The following PARD3 variants were observed in gnomAD, a reference collection of about 807,000 sequenced individuals.
PARD3 encodes the protein partitioning defective 3 homolog.
PARD3 carries 75 observed loss-of-function variants against 155.4 expected under a neutral mutation model. The ratio of observed to expected loss-of-function variants is 0.48; its 90% CI spans 0.40 to 0.58. PARD3 has a LOEUF of 0.58. Ranked by LOEUF, PARD3 falls within the 20% of genes least tolerant of loss-of-function variation. The probability of loss-of-function intolerance (pLI) is 0.00; values close to 1 mark genes in which losing one functional copy is unlikely to be tolerated. For missense variants in PARD3, 1,642 were observed against 1,721.7 expected (o/e 0.95, Z 0.82); for synonymous variants, 576 against 610.5 (o/e 0.94, Z 0.83).
At chr10:34,128,758 T>C (rs1947428867) in intron 23 of PARD3, among the ~76,000 whole-genome samples, 1 of 152,206 alleles carries the variant, frequency 6.6e-6, no homozygotes, top group African/African-American at 2.4e-5. Context: ...TTGCTTTATG[T>C]AGAGTAATAT....
rs116555445 is a variant in PARD3, at chr10:34,612,551, C to A, written c.222+83767G>T. On this transcript the variant is annotated intron_variant, in intron 2 of 24. Transcript: ENST00000374788. Reference sequence around the variant, plus strand: ...CACAATGTCTGGTGCTCTACATGCACAGTCCTAGCTCAGCTCCTTAGGAAT... The same window carrying A: ...CACAATGTCTGGTGCTCTACATGCAAAGTCCTAGCTCAGCTCCTTAGGAAT... Among the ~76,000 whole-genome samples the A allele has an allele frequency of 3.2e-3, 492 of 152,312 alleles. 3 individuals are homozygous for A. The highest frequency in any genetic ancestry group is 0.01 in the African/African-American group (424 of 41,584).
chr10:34,245,240 C>G (rs886130050), intron 22 of PARD3, among the ~76,000 whole-genome samples: 4 of 152,130 alleles, frequency 2.6e-5, no homozygotes, highest in African/African-American at 9.7e-5. Flanking sequence ...CAGGAGAGGG[C>G]TGCAGCAGGG....
intron 1 of PARD3, among the ~76,000 whole-genome samples, chr10:34,744,021 C>G (rs1031426832): frequency 6.6e-6 from 1 of 152,138 alleles, no homozygotes; most frequent in East Asian, 1.9e-4. Flanking sequence ...ACACTCTGAG[C>G]CCGTGAAAGA....
At chr10:34,687,594 G>A (rs1289951457) in intron 2 of PARD3, among the ~76,000 whole-genome samples, 1 of 152,110 alleles carries the variant, frequency 6.6e-6, no homozygotes, top group Non-Finnish European at 1.5e-5. Context: ...GAAACAGATA[G>A]TGCAAGGCAT....
At chr10:34,461,837 C>A (rs1210255332) in intron 4 of PARD3, among the ~76,000 whole-genome samples, 1 of 152,124 alleles carries the variant, frequency 6.6e-6, no homozygotes, top group Non-Finnish European at 1.5e-5. Flanking sequence ...AGGATTTATA[C>A]TCCTGCAGTG....
At chr10:34,377,899 TA>T in intron 10 of PARD3, 67 bp downstream of exon 10, 1 of 1,281,400 alleles carries the variant, frequency 7.8e-7, no homozygotes, top group Non-Finnish European at 1.0e-6. Context: ...AAAATGTTTT[TA>T]AAAGTTGGCT....
At chr10:34,771,356 T>C (rs1328956138) in intron 1 of PARD3, among the ~76,000 whole-genome samples, 1 of 152,100 alleles carries the variant, frequency 6.6e-6, no homozygotes, top group East Asian at 1.9e-4. Flanking sequence ...CAGCAACAAC[T>C]ATGCCCCCCA....
chr10:34,583,785 A>G (rs2087730621), intron 2 of PARD3, among the ~76,000 whole-genome samples: 2 of 152,226 alleles, frequency 1.3e-5, no homozygotes, highest in African/African-American at 2.4e-5. Context: ...AAGAAAAGAA[A>G]ACAGACCATT....
intron 1 of PARD3, among the ~76,000 whole-genome samples, chr10:34,769,787 C>A (rs930802556): frequency 3.7e-4 from 26 of 69,626 alleles, no homozygotes; most frequent in African/African-American, 1.4e-3. Context: ...AACAAACAAA[C>A]GAACAAAAAA....
intron 19 of PARD3, among the ~76,000 whole-genome samples, chr10:34,322,595 A>C (rs1958446899): frequency 6.6e-6 from 1 of 152,180 alleles, no homozygotes; most frequent in Non-Finnish European, 1.5e-5. Flanking sequence ...ACTAGATTTA[A>C]ATAATTTGTT....
chr10:34,227,886 T>TATATATATATA (rs1564499942), intron 22 of PARD3, among the ~76,000 whole-genome samples: 30 of 62,928 alleles, frequency 4.8e-4, no homozygotes, highest in Non-Finnish European at 6.5e-4. Flanking sequence ...ATATATATAC[T>TATATATATATA]GGGAATATAT....
chr10:34,710,008 G>C (rs531007145), intron 1 of PARD3, among the ~76,000 whole-genome samples: 17 of 152,244 alleles, frequency 1.1e-4, no homozygotes, highest in Middle Eastern at 3.4e-3. Context: ...GAGGCGGGGG[G>C]ACAGGGAGCT....
intron 22 of PARD3, among the ~76,000 whole-genome samples, chr10:34,139,872 C>T (rs1490623296): frequency 2.0e-5 from 3 of 152,200 alleles, no homozygotes; most frequent in African/African-American, 7.2e-5. Context: ...TGATACAGAA[C>T]TACCAGATAT....
At chr10:34,669,236 A>G (rs971596817) in intron 2 of PARD3, among the ~76,000 whole-genome samples, 1 of 152,232 alleles carries the variant, frequency 6.6e-6, no homozygotes, top group Non-Finnish European at 1.5e-5. Context: ...ATGACTAGAT[A>G]AAAGAAAATG....
rs12098689 is a variant in PARD3, at chr10:34,684,731, G to A, written c.222+11587C>T. ...ATGTAAACCTGATCACTTAACACCTGCTGGTCTTTCAGTTACATGTCTATA... is the reference window on the plus strand; with the variant it reads ...ATGTAAACCTGATCACTTAACACCTACTGGTCTTTCAGTTACATGTCTATA... On this transcript the variant is annotated intron_variant, in intron 2 of 24. Coordinates refer to ENST00000374788, the MANE Select transcript of PARD3 (RefSeq NM_001184785.2). Among the ~76,000 whole-genome samples, 1,131 of 149,866 alleles carry A rather than the reference G, an allele frequency of 7.5e-3. 14 individuals are homozygous for A. The highest frequency in any genetic ancestry group is 0.027 in the African/African-American group (1,091 of 40,578).
intron 1 of PARD3, among the ~76,000 whole-genome samples, chr10:34,721,426 G>A (rs908980455): frequency 6.6e-6 from 1 of 152,218 alleles, no homozygotes; most frequent in African/African-American, 2.4e-5. Flanking sequence ...GCTGCACACA[G>A]GGTGTGCCTG....
At chr10:34,453,466 A>G (rs2077168121) in intron 4 of PARD3, among the ~76,000 whole-genome samples, 1 of 152,188 alleles carries the variant, frequency 6.6e-6, no homozygotes, top group Non-Finnish European at 1.5e-5. Context: ...GGCTTACACC[A>G]ATGTGGATGA....
chr10:34,205,001 C>T (rs955876443), intron 22 of PARD3, among the ~76,000 whole-genome samples: 18 of 152,156 alleles, frequency 1.2e-4, no homozygotes, highest in African/African-American at 3.9e-4. Context: ...ATTGTGCCTG[C>T]ATCATTATAG....
intron 1 of PARD3, among the ~76,000 whole-genome samples, chr10:34,787,225 A>G (rs1370947259): frequency 6.6e-6 from 1 of 152,192 alleles, no homozygotes; most frequent in Non-Finnish European, 1.5e-5. Context: ...CTAACAATAC[A>G]GAAATTAGCT....
Sources: gnomAD v4.1 joint callset for allele counts (sites outside exome capture counted in the v4.1 genomes callset) on GRCh38, gnomAD v4.1.1 for gene constraint, MANE v1.5 for transcripts, NCBI Gene and HGNC (gene_info 2026-07-23, HGNC 2026-07-21) for gene names.